GPHN: variants seen among roughly 807,000 people sequenced by gnomAD.
GPHN encodes gephyrin.
A neutral mutation model predicts 95.5 loss-of-function variants in GPHN; 17 were observed. The ratio of observed to expected loss-of-function variants is 0.18; its 90% CI spans 0.12 to 0.27. The LOEUF (loss-of-function observed/expected upper bound fraction) is 0.27, where lower values mean the gene tolerates loss of function less well. GPHN is among the 10% of genes least tolerant of loss of function. The probability of loss-of-function intolerance (pLI) is 1.00; values close to 1 mark genes in which losing one functional copy is unlikely to be tolerated. For missense variants in GPHN, 660 were observed against 978.1 expected (o/e 0.67, Z 4.34); for synonymous variants, 320 against 322.5 (o/e 0.99, Z 0.08).
chr14:67,516,401 G>C, the GPHN span, among the ~76,000 whole-genome samples: 5 of 152,166 alleles, frequency 3.3e-5, no homozygotes, highest in Non-Finnish European at 7.3e-5. Flanking sequence ...GCTGGAGAGG[G>C]GGGGAAATGA....
intron 2 of GPHN, among the ~76,000 whole-genome samples, chr14:66,684,132 G>A (rs75943330): frequency 0.013 from 2,024 of 152,294 alleles, 20 homozygotes; most frequent in Middle Eastern, 0.02. Flanking sequence ...TGCTATGTAT[G>A]TTGATGTGCC....
chr14:67,308,159 TC>T, the GPHN span, among the ~76,000 whole-genome samples: 1 of 151,220 alleles, frequency 6.6e-6, no homozygotes, highest in African/African-American at 2.4e-5. Context: ...GATGAAATAA[TC>T]TGTACAACAA....
Position 66,508,262 on chromosome 14 carries a change from G to T in GPHN, c.-266G>T. The T allele has an allele frequency of 3.5e-6, 2 of 565,550 alleles. No homozygotes were observed. Among genetic ancestry groups the T allele is most frequent in the Non-Finnish European group, 6.3e-6 (2 of 315,896 alleles). 35.0% of individuals were successfully genotyped at this position (565,550 alleles called of 1,614,324 possible). On this transcript the variant is annotated 5_prime_UTR_variant, in exon 1 of 23. Coordinates refer to ENST00000478722, the MANE Select transcript of GPHN (RefSeq NM_020806.5). Reference sequence around the variant, plus strand: ...CGCGCTCTCCCCGTGCGGCCACCGCGCCCCCCAAGCTTGCCTCCTTCTTGC... The same window carrying T: ...CGCGCTCTCCCCGTGCGGCCACCGCTCCCCCCAAGCTTGCCTCCTTCTTGC...
In GPHN at chr14:67,127,185, A is replaced by G. The variant is rs190648229; in HGVS notation, c.1748+4808A>G. Among the ~76,000 whole-genome samples the G allele has an allele frequency of 5.7e-3, 862 of 151,906 alleles. 34 individuals carry two copies. Among genetic ancestry groups the G allele is most frequent in the Admixed American group, 0.044 (670 of 15,242 alleles). On this transcript the variant is annotated intron_variant, in intron 17 of 22. Coordinates refer to ENST00000478722, the MANE Select transcript of GPHN (RefSeq NM_020806.5). ...GAGTTAGTGGGTGCAGCGCACCAGC[A>G]TGGCACATGTATACATATGTAACTA...
the GPHN span, among the ~76,000 whole-genome samples, chr14:67,278,790 A>G: frequency 2.0e-5 from 3 of 152,324 alleles, no homozygotes; most frequent in East Asian, 5.8e-4. Flanking sequence ...TCTTAGCTTT[A>G]AAATTGAATA....
At chr14:66,948,190 C>A (rs2067873237) in intron 8 of GPHN, among the ~76,000 whole-genome samples, 1 of 151,490 alleles carries the variant, frequency 6.6e-6, no homozygotes, top group African/African-American at 2.4e-5. Flanking sequence ...ACACGGGAAA[C>A]CAAATAATAA....
At chr14:67,096,219 A>G (rs572664635) in intron 12 of GPHN, among the ~76,000 whole-genome samples, 2 of 152,198 alleles carry the variant, frequency 1.3e-5, no homozygotes, top group Non-Finnish European at 2.9e-5. Flanking sequence ...GGTTGAGAAC[A>G]TAGTGCAAGT....
intron 1 of GPHN, among the ~76,000 whole-genome samples, chr14:66,658,281 G>A (rs1327187563): frequency 2.0e-5 from 3 of 152,116 alleles, no homozygotes; most frequent in Non-Finnish European, 4.4e-5. Context: ...TCAAAGAAAG[G>A]TGTTCCTTGA....
chr14:67,668,891 C>T, the GPHN span, among the ~76,000 whole-genome samples: 1 of 151,860 alleles, frequency 6.6e-6, no homozygotes, highest in African/African-American at 2.4e-5. Flanking sequence ...GGAAGACAAA[C>T]AATATACTGT....
At chr14:66,588,352 C>T (rs2061505866) in intron 1 of GPHN, among the ~76,000 whole-genome samples, 1 of 152,080 alleles carries the variant, frequency 6.6e-6, no homozygotes, top group African/African-American at 2.4e-5. Flanking sequence ...ATCACAACTC[C>T]TTGCCAGCAA....
At chr14:66,614,490 ATAGAT>A (rs1323191768) in intron 1 of GPHN, among the ~76,000 whole-genome samples, 2 of 151,926 alleles carry the variant, frequency 1.3e-5, no homozygotes, top group Non-Finnish European at 2.9e-5. Flanking sequence ...ACTTATTGTA[ATAGAT>A]TATATACTTT....
intron 2 of GPHN, among the ~76,000 whole-genome samples, chr14:66,742,817 A>G (rs904441283): frequency 5.3e-5 from 8 of 152,148 alleles, no homozygotes; most frequent in Non-Finnish European, 1.2e-4. Flanking sequence ...GCTGGAGTGC[A>G]GTGGCGCGAT....
the GPHN span, chr14:67,722,641 C>T: frequency 1.2e-4 from 196 of 1,613,494 alleles, 1 homozygote; most frequent in South Asian, 4.8e-4. Context: ...GAAGTTGGAA[C>T]GATGCTGGTC....
At chr14:67,403,864 C>T in the GPHN span, among the ~76,000 whole-genome samples, 5 of 152,044 alleles carry the variant, frequency 3.3e-5, no homozygotes, top group African/African-American at 9.7e-5. Flanking sequence ...CCAGTCTGGG[C>T]GCTATAGTGA....
At chr14:66,516,377 T>G (rs72724569) in intron 1 of GPHN, among the ~76,000 whole-genome samples, 5,984 of 152,258 alleles carry the variant, frequency 0.039, 169 homozygotes, top group Middle Eastern at 0.065. Flanking sequence ...ATAGTATGTT[T>G]CCATAACGTA....
chr14:67,090,291 C>G (rs1181447284), intron 12 of GPHN, among the ~76,000 whole-genome samples: 1 of 151,848 alleles, frequency 6.6e-6, no homozygotes, highest in African/African-American at 2.4e-5. Context: ...TTGGGCATCC[C>G]TAATTCAAAA....
chr14:66,583,884 C>T (rs893341190), intron 1 of GPHN, among the ~76,000 whole-genome samples: 2 of 151,772 alleles, frequency 1.3e-5, no homozygotes, highest in African/African-American at 4.8e-5. Context: ...TTTTTGGTTC[C>T]ATATGAACTT....
the GPHN span, among the ~76,000 whole-genome samples, chr14:67,203,929 A>T: frequency 6.6e-6 from 1 of 152,110 alleles, no homozygotes; most frequent in Non-Finnish European, 1.5e-5. Context: ...TCAGGCTGGT[A>T]TTGAACTCCT....
the GPHN span, among the ~76,000 whole-genome samples, chr14:67,532,446 G>T: frequency 6.6e-6 from 1 of 152,130 alleles, no homozygotes; most frequent in Non-Finnish European, 1.5e-5. Context: ...GCCAAATGTT[G>T]AGTTTTCCAA....
Sources: allele counts gnomAD v4.1 joint callset (sites outside exome capture counted in the v4.1 genomes callset), GRCh38; gene constraint gnomAD v4.1.1; transcripts MANE v1.5; gene names NCBI Gene and HGNC (gene_info 2026-07-23, HGNC 2026-07-21).